Variants in CFAP54 observed in about 807,000 individuals in gnomAD.
CFAP54 encodes the protein cilia and flagella associated protein 54, also known as cilia- and flagella-associated protein 54.
Under a neutral mutation model 370.4 loss-of-function variants are expected in CFAP54, and 290 were observed. The ratio of observed to expected loss-of-function variants is 0.78; its 90% CI spans 0.71 to 0.86. The LOEUF is 0.86. Ranked by LOEUF, CFAP54 falls within the 40% of genes least tolerant of loss-of-function variation. The pLI is 0.00. For synonymous variants in CFAP54, 1,206 were observed against 1,236.5 expected, an observed-to-expected ratio of 0.98 and a Z score of 0.52; for missense variants, 3,399 against 3,528.7, an observed-to-expected ratio of 0.96 and a Z score of 0.93.
At chr12:96,752,500 C>A (rs10860088) in intron 55 of CFAP54, among the ~76,000 whole-genome samples, 10 of 152,068 alleles carry the variant, frequency 6.6e-5, no homozygotes, top group Non-Finnish European at 1.3e-4. Flanking sequence ...CCTACACTGC[C>A]TTTCTGTTTA....
At chr12:96,674,359 TCTC>T (rs1163862564) in intron 39 of CFAP54, among the ~76,000 whole-genome samples, 1 of 150,300 alleles carries the variant, frequency 6.7e-6, no homozygotes, top group African/African-American at 2.4e-5. Context: ...TTTTGCTTCT[TCTC>T]CTCCTTCTTC....
rs1206560789 is a variant in CFAP54 at position 96,543,168 on chromosome 12, T to C, written c.2077+2181T>C. On this transcript the variant is annotated intron_variant, in intron 14 of 67. Transcript: ENST00000524981. ...CACACAATGCCTAGTTATCCCACTT[T>C]TTGGGCTATAAAGATTTATCTGTGA... is the stretch of plus-strand genomic sequence containing the variant. 2.0e-5 allele frequency among the ~76,000 whole-genome samples: 3 copies of C among 152,224 alleles called. No homozygotes were observed. In the East Asian group the frequency reaches 5.8e-4, roughly 29 times the overall value.
chr12:96,500,120 C>G (rs1246253161), intron 1 of CFAP54, among the ~76,000 whole-genome samples: 1 of 152,094 alleles, frequency 6.6e-6, no homozygotes, highest in African/African-American at 2.4e-5. Context: ...TTATTCAGTG[C>G]TAAAAAGAAA....
chr12:96,821,347 T>C, intron 65 of CFAP54, among the ~76,000 whole-genome samples: 1 of 152,184 alleles, frequency 6.6e-6, no homozygotes. Flanking sequence ...TTGGAGGACC[T>C]ACCTTGCCTT....
chr12:96,535,678 A>G, intron 12 of CFAP54, 78 bp downstream of exon 12: 1 of 900,060 alleles, frequency 1.1e-6, no homozygotes, highest in South Asian at 1.6e-5. Context: ...AATTTAAAAT[A>G]TCACAGGAAT....
chr12:96,796,816 A>G (rs1958767886), intron 63 of CFAP54, among the ~76,000 whole-genome samples: 1 of 151,772 alleles, frequency 6.6e-6, no homozygotes, highest in Admixed American at 6.6e-5. Flanking sequence ...TTATTTGTGT[A>G]TTCTCCTCTT....
At chr12:96,811,290 A>G (rs143738690) in intron 63 of CFAP54, among the ~76,000 whole-genome samples, 179 of 152,328 alleles carry the variant, frequency 1.2e-3, no homozygotes, top group African/African-American at 4.0e-3. Context: ...TGTGGTGGCT[A>G]GAAAGCTGTG....
At chr12:96,533,562 C>T (rs575278287) in intron 9 of CFAP54, among the ~76,000 whole-genome samples, 1 of 152,258 alleles carries the variant, frequency 6.6e-6, no homozygotes, top group African/African-American at 2.4e-5. Context: ...CCCTGAGTAT[C>T]CTTCCCTAAC....
intron 50 of CFAP54, among the ~76,000 whole-genome samples, chr12:96,736,772 A>G (rs1250124808): frequency 1.3e-5 from 2 of 152,224 alleles, no homozygotes; most frequent in African/African-American, 2.4e-5. Flanking sequence ...ATTGATATTG[A>G]TGAAAGGTAC....
intron 9 of CFAP54, among the ~76,000 whole-genome samples, chr12:96,530,709 G>A (rs192276556): frequency 6.6e-6 from 1 of 152,292 alleles, no homozygotes. Flanking sequence ...TGCAATTGCT[G>A]GATTGGATAT....
chr12:96,661,690 A>C (rs905477559), intron 38 of CFAP54, among the ~76,000 whole-genome samples: 1 of 152,230 alleles, frequency 6.6e-6, no homozygotes, highest in Non-Finnish European at 1.5e-5. Context: ...CAATTTAATT[A>C]GTATCTGCAA....
intron 32 of CFAP54, 107 bp from the exon 33 acceptor site, chr12:96,644,071 G>A (rs770435667): frequency 7.2e-5 from 51 of 710,668 alleles, no homozygotes; most frequent in Non-Finnish European, 1.1e-4. Flanking sequence ...TAGCATAAGG[G>A]CAGTCAAGTG....
intron 26 of CFAP54, among the ~76,000 whole-genome samples, chr12:96,603,327 T>C (rs1335354401): frequency 1.3e-5 from 2 of 152,246 alleles, no homozygotes; most frequent in African/African-American, 4.8e-5. Context: ...AGAGATCCAC[T>C]GTTAGTCTGA....
chr12:96,532,898 A>G (rs1385372482), intron 9 of CFAP54, among the ~76,000 whole-genome samples: 1 of 152,026 alleles, frequency 6.6e-6, no homozygotes, highest in Admixed American at 6.6e-5. Context: ...TGGGATTACA[A>G]ACATAAGCCA....
chr12:96,538,744 A>T, intron 13 of CFAP54: 1 of 460,994 alleles, frequency 2.2e-6, no homozygotes, highest in East Asian at 3.9e-5. Context: ...AGGAGCGAAG[A>T]GGTGTTTCAG....
At chr12:96,839,286 T>C (rs904643727) in intron 66 of CFAP54, among the ~76,000 whole-genome samples, 2 of 152,214 alleles carry the variant, frequency 1.3e-5, no homozygotes, top group Admixed American at 1.3e-4. Flanking sequence ...AGTTAATCCA[T>C]GTAAAACTCT....
intron 36 of CFAP54, among the ~76,000 whole-genome samples, chr12:96,653,270 A>G (rs1177767884): frequency 1.3e-5 from 2 of 152,242 alleles, no homozygotes; most frequent in African/African-American, 4.8e-5. Context: ...CTGGTCAGTC[A>G]GAAGATTAGG....
rs779001203 is a variant in CFAP54, at chr12:96,522,189, T to C, written c.1158T>C (p.Thr386=). 6.6e-6 allele frequency: 10 copies of C among 1,515,812 alleles called. No individual in the cohort carries two copies. The highest frequency in any genetic ancestry group is 1.9e-4 in the Middle Eastern group (1 of 5,184). 93.9% of individuals were successfully genotyped at this position (1,515,812 alleles called of 1,614,324 possible). Residue 386 remains threonine (T), a splice_region_variant and synonymous_variant, in exon 8 of 68, where the codon ACT becomes ACC. Transcript: ENST00000524981. ...KIRINLREVQ[T]LSWPRTVTER... is the part of the protein sequence containing the mutation. ...GAATTAACCTAAGGGAAGTACAAAC[T>C]GTAAGTCTAAACATGTCTTCTCTCT...
chr12:96,792,252 A>G lies in CFAP54; in HGVS notation c.8680-77A>G, dbSNP rs147267910. On this transcript the variant is annotated intron_variant, in intron 62 of 67. Transcript: ENST00000524981. ...TGAGACAATCCCAGAATTTTTCAAT[A>G]TAGCCAAATAATTTGTTTCATATAT... 1.1e-3 allele frequency: 1,434 copies of G among 1,256,276 alleles called. 11 individuals are homozygous for G. In the African/African-American group the frequency reaches 0.02, roughly 17 times the overall value. The allele number at this position is 1,256,276 out of a possible 1,614,324, so 77.8% of individuals were successfully genotyped here.
Sources: gnomAD v4.1 joint callset for allele counts (sites outside exome capture counted in the v4.1 genomes callset) on GRCh38, gnomAD v4.1.1 for gene constraint, MANE v1.5 for transcripts, NCBI Gene and HGNC (gene_info 2026-07-23, HGNC 2026-07-21) for gene names.